LRRC7: variants seen among roughly 807,000 people sequenced by gnomAD.
LRRC7 encodes the protein leucine-rich repeat-containing protein 7.
A neutral mutation model predicts 175.7 loss-of-function variants in LRRC7; 23 were observed. That is an observed-to-expected ratio of 0.13 (90% CI 0.09 to 0.19). The LOEUF is 0.19. LRRC7 is among the 10% of genes least tolerant of loss of function. The pLI is 1.00. For synonymous variants in LRRC7, 685 were observed against 680.9 expected, an observed-to-expected ratio of 1.01 and a Z score of -0.09; for missense variants, 1,354 against 1,904.7, an observed-to-expected ratio of 0.71 and a Z score of 5.38.
chr1:69,792,871 T>C (rs1341658910), intron 4 of LRRC7, among the ~76,000 whole-genome samples: 1 of 152,076 alleles, frequency 6.6e-6, no homozygotes, highest in Admixed American at 6.6e-5. Context: ...GACTTAGAGC[T>C]TCAGAAAGTC....
chr1:69,959,913 A>G (rs1009489117), intron 8 of LRRC7, among the ~76,000 whole-genome samples: 1 of 152,098 alleles, frequency 6.6e-6, no homozygotes, highest in African/African-American at 2.4e-5. Flanking sequence ...GGATTTTTGC[A>G]TTGATATTCG....
intron 25 of LRRC7, among the ~76,000 whole-genome samples, chr1:70,103,673 G>A (rs1251135982): frequency 7.2e-5 from 11 of 152,268 alleles, no homozygotes; most frequent in Non-Finnish European, 1.6e-4. Flanking sequence ...TAAGCCACTA[G>A]GTTTATGGAA....
In LRRC7 at chr1:69,924,808, T is replaced by C. The variant is rs1052936715; in HGVS notation, c.648-6699T>C. 1.3e-4 allele frequency among the ~76,000 whole-genome samples: 20 copies of C among 152,358 alleles called. 1 individual carries two copies. The highest frequency in any genetic ancestry group is 4.8e-4 in the African/African-American group (20 of 41,584). On this transcript the variant is annotated intron_variant, in intron 7 of 26. Coordinates refer to ENST00000651989, the MANE Select transcript of LRRC7 (RefSeq NM_001370785.2). ...CCCTTTATTTCTTTCTCATGCCTGA[T>C]TGCCCTGGCCAGAATTTCCAACACT...
chr1:69,772,004 C>G (rs1672295714), intron 3 of LRRC7, among the ~76,000 whole-genome samples: 2 of 152,076 alleles, frequency 1.3e-5, no homozygotes, highest in Admixed American at 6.6e-5. Flanking sequence ...GCCTGCAATG[C>G]CAGCTACTCA....
intron 3 of LRRC7, among the ~76,000 whole-genome samples, chr1:69,784,786 A>C (rs1674213205): frequency 6.6e-6 from 1 of 152,066 alleles, no homozygotes; most frequent in Admixed American, 6.6e-5. Flanking sequence ...TTGTTTTGTA[A>C]TCTCCATTAT....
chr1:69,629,588 C>T (rs1197334304), intron 1 of LRRC7, among the ~76,000 whole-genome samples: 1 of 152,060 alleles, frequency 6.6e-6, no homozygotes, highest in Non-Finnish European at 1.5e-5. Context: ...AGGATGACTA[C>T]ACTTTCTCTC....
chr1:69,781,369 C>T (rs753583940), intron 3 of LRRC7, among the ~76,000 whole-genome samples: 3 of 151,702 alleles, frequency 2.0e-5, no homozygotes, highest in Admixed American at 6.6e-5. Flanking sequence ...CATTCAGAGG[C>T]GATAGTGCGC....
chr1:70,008,443 A>G (rs756411197), intron 11 of LRRC7, among the ~76,000 whole-genome samples: 7 of 152,210 alleles, frequency 4.6e-5, no homozygotes, highest in Non-Finnish European at 8.8e-5. Context: ...CTCTATGCAT[A>G]TTACTTATTG....
At chr1:69,808,832 C>T (rs1212183151) in intron 4 of LRRC7, among the ~76,000 whole-genome samples, 1 of 152,028 alleles carries the variant, frequency 6.6e-6, no homozygotes, top group East Asian at 1.9e-4. Flanking sequence ...AATCGACACC[C>T]TAACATCACA....
chr1:69,666,380 T>G (rs1658273367), intron 1 of LRRC7, among the ~76,000 whole-genome samples: 1 of 152,248 alleles, frequency 6.6e-6, no homozygotes, highest in East Asian at 1.9e-4. Flanking sequence ...TCAGAATAGT[T>G]TGAGTAGAAT....
intron 1 of LRRC7, among the ~76,000 whole-genome samples, chr1:69,572,424 C>T (rs1645775865): frequency 6.6e-6 from 1 of 152,074 alleles, no homozygotes; most frequent in Non-Finnish European, 1.5e-5. Flanking sequence ...AGACAGGCTT[C>T]ACATATGTTT....
intron 2 of LRRC7, among the ~76,000 whole-genome samples, chr1:69,737,055 C>T (rs1668194242): frequency 6.6e-6 from 1 of 152,008 alleles, no homozygotes; most frequent in South Asian, 2.1e-4. Flanking sequence ...TACATATAGC[C>T]CAAATTATTA....
intron 4 of LRRC7, among the ~76,000 whole-genome samples, chr1:69,824,736 G>A (rs971233691): frequency 1.2e-4 from 18 of 152,212 alleles, no homozygotes; most frequent in South Asian, 4.1e-4. Context: ...TCATCAAAAA[G>A]TTCAATTATA....
chr1:69,781,657 G>T (rs12035714), intron 3 of LRRC7, among the ~76,000 whole-genome samples: 4 of 140,506 alleles, frequency 2.8e-5, no homozygotes, highest in Middle Eastern at 3.6e-3. Context: ...ACTCCAGCCT[G>T]GGAGACAGAG....
intron 2 of LRRC7, among the ~76,000 whole-genome samples, chr1:69,709,515 A>G (rs1037544370): frequency 2.0e-5 from 3 of 152,204 alleles, no homozygotes; most frequent in Non-Finnish European, 2.9e-5. Flanking sequence ...GGGGTCTTTG[A>G]TGACAAGAGT....
intron 1 of LRRC7, among the ~76,000 whole-genome samples, chr1:69,604,724 G>C (rs1647257970): frequency 6.6e-6 from 1 of 151,626 alleles, no homozygotes; most frequent in African/African-American, 2.4e-5. Context: ...CCCTGGGTTT[G>C]CTTACATTAG....
chr1:69,604,175 G>A (rs992926635), intron 1 of LRRC7, among the ~76,000 whole-genome samples: 41 of 152,048 alleles, frequency 2.7e-4, no homozygotes, highest in African/African-American at 8.2e-4. Flanking sequence ...GGGAATTTAC[G>A]TAGATGAATT....
At chr1:69,594,412 C>A (rs1331628516) in intron 1 of LRRC7, among the ~76,000 whole-genome samples, 1 of 152,092 alleles carries the variant, frequency 6.6e-6, no homozygotes, top group Non-Finnish European at 1.5e-5. Flanking sequence ...GCAAGCATTC[C>A]AGATATAAAC....
intron 2 of LRRC7, among the ~76,000 whole-genome samples, chr1:69,757,713 A>G (rs1359617812): frequency 6.6e-6 from 1 of 151,968 alleles, no homozygotes; most frequent in Non-Finnish European, 1.5e-5. Flanking sequence ...ATAGCAACAC[A>G]GACATCAAGA....
Sources: allele counts gnomAD v4.1 joint callset (sites outside exome capture counted in the v4.1 genomes callset), GRCh38; gene constraint gnomAD v4.1.1; transcripts MANE v1.5; gene names NCBI Gene and HGNC (gene_info 2026-07-23, HGNC 2026-07-21).